Variants in TAT observed in about 807,000 individuals in gnomAD.
TAT encodes the protein tyrosine aminotransferase.
Under a neutral mutation model 53.6 loss-of-function variants are expected in TAT, and 35 were observed. The ratio of observed to expected loss-of-function variants is 0.65; its 90% CI spans 0.50 to 0.87. The LOEUF (loss-of-function observed/expected upper bound fraction) is 0.87, where lower values mean the gene tolerates loss of function less well. Ranked by LOEUF, TAT falls within the 40% of genes least tolerant of loss-of-function variation. The pLI is 0.00. For synonymous variants in TAT, 197 were observed against 206.5 expected (o/e 0.95, Z 0.39); for missense variants, 525 against 571.8 (o/e 0.92, Z 0.83).
intron 3 of TAT, chr16:71,575,183 T>C (rs539490482): frequency 6.6e-6 from 1 of 152,368 alleles, no homozygotes; most frequent in East Asian, 1.9e-4. Context: ...TAAAGTGTTT[T>C]TAAAATTTGA....
At position 71,567,978 on chromosome 16, in the gene TAT, G is replaced by C. The variant is rs2044175728; in HGVS notation, c.*166C>G. 2 of 735,970 alleles carry C rather than the reference G, an allele frequency of 2.7e-6. No homozygotes were observed. The highest frequency in any genetic ancestry group is 3.6e-4 in the Middle Eastern group (1 of 2,754). The allele number at this position is 735,970 out of a possible 1,614,324, so 45.6% of individuals were successfully genotyped here. ...TGCGATGTGAATGAGGAGGATCTGA[G>C]TGTGGGTGTGGTTGTACTTGGGGAA... On this transcript the variant is annotated 3_prime_UTR_variant, in exon 12 of 12. Coordinates refer to ENST00000355962, the MANE Select transcript of TAT (RefSeq NM_000353.3).
rs768575593 is a variant in TAT at position 71,576,392 on chromosome 16, C to T, written c.24G>A (p.Met8Ile). 2.5e-5 allele frequency: 40 copies of T among 1,614,020 alleles called. No individual in the cohort carries two copies. In the East Asian group the frequency reaches 7.4e-4, roughly 30 times the overall value. MDPYMIQ[M>I]SSKGNLPSIL... is the part of the protein sequence containing the mutation. ...TTGAGGGGAGGTTGCCTTTGCTGCT[C>T]ATCTGAATCATGTATGGGTCCATCA... is the stretch of plus-strand genomic sequence containing the variant. Residue 8 changes from methionine (M) to isoleucine (I), a missense_variant, in exon 2 of 12, where the codon ATG becomes ATA. By Grantham distance (10) the Met-to-Ile change is conservative. Transcript: ENST00000355962.
Position 71,567,918 on chromosome 16 carries a change from T to C in TAT, c.*226A>G. On this transcript the variant is annotated 3_prime_UTR_variant, in exon 12 of 12. Coordinates refer to ENST00000355962, the MANE Select transcript of TAT (RefSeq NM_000353.3). ...AGAGGGAGGCAGATTAATGAATTAG[T>C]GAGTCACTCTAGCAGCGCAGAGCAA... 3.5e-6 allele frequency: 2 copies of C among 566,242 alleles called. No individual in the cohort carries two copies. Among genetic ancestry groups the C allele is most frequent in the South Asian group, 2.1e-5 (1 of 47,884 alleles). 35.1% of individuals were successfully genotyped at this position (566,242 alleles called of 1,614,324 possible).
In TAT at chr16:71,570,443, ATC is replaced by A. The variant is rs559895761; in HGVS notation, c.913-48_913-47del. 50 of 1,614,152 alleles carry A rather than the reference ATC, an allele frequency of 3.1e-5. No individual in the cohort carries two copies. In the East Asian group the frequency reaches 1.0e-3, roughly 34 times the overall value. On this transcript the variant is annotated intron_variant, in intron 8 of 11. Transcript: ENST00000355962. Reference sequence around the variant, plus strand: ...ACATGTTGTTTAGCTTTTCTTAAGCATCTCTGTCTTAGAGTTTCTTGTTCTGA... The same window carrying A: ...ACATGTTGTTTAGCTTTTCTTAAGCATCTGTCTTAGAGTTTCTTGTTCTGA...
intron 7 of TAT, 111 bp downstream of exon 7, chr16:71,571,495 G>T: frequency 2.0e-6 from 2 of 998,292 alleles, no homozygotes; most frequent in Non-Finnish European, 3.2e-6. Flanking sequence ...GTGCAGGGAT[G>T]CTGATTTGCT....
In TAT at chr16:71,570,721, G is replaced by C. The variant is rs746209091; in HGVS notation, c.870C>G (p.Gly290=). The change falls in exon 8 of 12, where the codon GGC becomes GGG. Residue 290 remains glycine (G), a synonymous_variant. Transcript: ENST00000355962. ...KRWLVPGWRL[G]WILIHDRRDI... is the part of the protein sequence containing the mutation. ...CTCTTCGGTCATGAATGAGGATCCAGCCCAACCTCCAGCCAGGAACCAGCC... is the reference window on the plus strand; with the variant it reads ...CTCTTCGGTCATGAATGAGGATCCACCCCAACCTCCAGCCAGGAACCAGCC... 16 of 1,614,034 alleles carry C rather than the reference G, an allele frequency of 9.9e-6. No homozygotes were observed. The highest frequency in any genetic ancestry group is 1.3e-5 in the Non-Finnish European group (15 of 1,180,052).
Position 71,570,277 on chromosome 16 carries a change from A to T in TAT, c.1033T>A (p.Phe345Ile). The change falls in exon 9 of 12, where the codon TTC becomes ATC. Residue 345 changes from phenylalanine (F) to isoleucine (I), a missense_variant. By Grantham distance (21) the Phe-to-Ile change is conservative. Coordinates refer to ENST00000355962, the MANE Select transcript of TAT (RefSeq NM_000353.3). Reference sequence around the variant, plus strand: ...GCAGGAGCTGCCCTTACCTTGAGGAAGCTCAGAGTGTTGTGGTAAAACTCT... The same window carrying T: ...GCAGGAGCTGCCCTTACCTTGAGGATGCTCAGAGTGTTGTGGTAAAACTCT... ...PGEFYHNTLS[F>I]LKSNADLCYG... The T allele has an allele frequency of 1.2e-6, 2 of 1,614,182 alleles. No homozygotes were observed. Among genetic ancestry groups the T allele is most frequent in the Non-Finnish European group, 1.7e-6 (2 of 1,180,022 alleles).
chr16:71,568,616 T>C, intron 11 of TAT, 95 bp downstream of exon 11: 1 of 950,488 alleles, frequency 1.1e-6, no homozygotes, highest in South Asian at 1.4e-5. Flanking sequence ...AGACATTTTG[T>C]TGGAGGAGAA....
intron 7 of TAT, 92 bp from the exon 8 acceptor site, chr16:71,570,923 AG>A (rs2044198996): frequency 6.8e-7 from 1 of 1,481,388 alleles, no homozygotes; most frequent in Admixed American, 1.9e-5. Context: ...TTCTATCACT[AG>A]GGACAGGTCC....
chr16:71,572,553 C>G lies in TAT; in HGVS notation c.544G>C (p.Glu182Gln). 1 of 1,614,206 alleles carries G rather than the reference C, an allele frequency of 6.2e-7. No homozygotes were observed. Among genetic ancestry groups the G allele is most frequent in the Non-Finnish European group, 8.5e-7 (1 of 1,180,032 alleles). ...YKTLAESMGI[E>Q]VKLYNLLPEK... The stretch of plus-strand genomic sequence containing the variant: ...ACCAACAAATTGTAGAGTTTGACCT[C>G]AATTCCCATAGACTCAGCCAGAGTC... Residue 182 changes from glutamate to glutamine, a missense_variant, in exon 5 of 12, where the codon GAG becomes CAG. Coordinates refer to ENST00000355962, the MANE Select transcript of TAT (RefSeq NM_000353.3).
rs1375755604 is a variant in TAT, at chr16:71,566,290, G to A, written c.*1854C>T. ...GAAGGACATTAATTGGGTGTGACTG[G>A]CAGGGTTGAGACCTGAAGTTCCTCT... On this transcript the variant is annotated 3_prime_UTR_variant, in exon 12 of 12. Transcript: ENST00000355962. The A allele has an allele frequency of 6.6e-6, 1 of 152,110 alleles. No homozygotes were observed. The highest frequency in any genetic ancestry group is 1.5e-5 in the Non-Finnish European group (1 of 68,028). 9.4% of individuals were successfully genotyped at this position (152,110 alleles called of 1,614,324 possible). A position where few individuals can be genotyped will look rare whatever the true frequency, so the allele number is the denominator to read the frequency against.
Position 71,570,278 on chromosome 16 carries a change from G to A in TAT, c.1032C>T (p.Ser344=). The A allele has an allele frequency of 6.2e-7, 1 of 1,614,182 alleles. No individual in the cohort carries two copies. Among genetic ancestry groups the A allele is most frequent in the Non-Finnish European group, 8.5e-7 (1 of 1,180,038 alleles). The stretch of plus-strand genomic sequence containing the variant: ...CAGGAGCTGCCCTTACCTTGAGGAA[G>A]CTCAGAGTGTTGTGGTAAAACTCTC... The part of the protein sequence containing the change: ...TPGEFYHNTL[S]FLKSNADLCY... Residue 344 remains serine, a synonymous_variant, in exon 9 of 12, where the codon AGC becomes AGT. Coordinates refer to ENST00000355962, the MANE Select transcript of TAT (RefSeq NM_000353.3).
In TAT at chr16:71,572,642, A is replaced by G; in HGVS notation, c.455T>C (p.Leu152Ser). The G allele has an allele frequency of 6.2e-7, 1 of 1,614,226 alleles. No individual in the cohort carries two copies. The highest frequency in any genetic ancestry group is 1.1e-5 in the South Asian group (1 of 91,088). ...TTGCCCTGGGTTGGCCAACACAGCTAAACAAAGGTCAATAGCTTGGCTGCA... is the reference window on the plus strand; with the variant it reads ...TTGCCCTGGGTTGGCCAACACAGCTGAACAAAGGTCAATAGCTTGGCTGCA... ...SGCSQAIDLC[L>S]AVLANPGQNI... The change falls in exon 5 of 12, where the codon TTA becomes TCA. Residue 152 changes from leucine (L) to serine (S), a missense_variant. Transcript: ENST00000355962.
At chr16:71,575,395 A>G (rs541840221) in intron 3 of TAT, 1 of 157,426 alleles carries the variant, frequency 6.4e-6, no homozygotes, top group South Asian at 1.9e-4. Flanking sequence ...CTTCAGTTTG[A>G]CAGCCCATTT....
intron 4 of TAT, among the ~76,000 whole-genome samples, chr16:71,573,066 C>T (rs1479533564): frequency 6.6e-6 from 1 of 152,170 alleles, no homozygotes; most frequent in Non-Finnish European, 1.5e-5. Flanking sequence ...ACACAGTAGA[C>T]TATAGAGGGA....
intron 9 of TAT, 44 bp downstream of exon 9, chr16:71,570,225 C>CGA (rs1567590458): frequency 6.2e-7 from 1 of 1,613,862 alleles, no homozygotes; most frequent in East Asian, 2.2e-5. Context: ...GCGGCATTCT[C>CGA]TGACTCCCAA....
chr16:71,576,009 C>A lies in TAT; in HGVS notation c.253G>T (p.Gly85Ter). The change falls in exon 3 of 12, where the codon GGA becomes TGA. Residue 85 changes from glycine (G) to a stop codon, truncating the protein, a stop_gained. Coordinates refer to ENST00000355962, the MANE Select transcript of TAT (RefSeq NM_000353.3). LOFTEE classifies it high-confidence loss of function. ...ACTTCAGGGTCTGTAGGCAGGTTTC[C>A]AAACACAGTAGGGTCCCCTTTTTAT... ...SLSIGDPTVF[G>*]NLPTDPEVTQ... 6.2e-7 allele frequency: 1 copy of A among 1,614,128 alleles called. No individual in the cohort carries two copies. Among genetic ancestry groups the A allele is most frequent in the Non-Finnish European group, 8.5e-7 (1 of 1,180,018 alleles).
At chr16:71,573,915 A>G (rs1273062222) in intron 3 of TAT, among the ~76,000 whole-genome samples, 1 of 152,102 alleles carries the variant, frequency 6.6e-6, no homozygotes, top group Non-Finnish European at 1.5e-5. Flanking sequence ...TCCTGGGCTC[A>G]GGGGCTCCTC....
At position 71,570,324 on chromosome 16, in the gene TAT, C is replaced by T. The variant is rs920802627; in HGVS notation, c.986G>A (p.Ser329Asn). The stretch of plus-strand genomic sequence containing the variant: ...CTCTCCCGGGGTGCGACATAGGATG[C>T]TTTTCAGAGCTCCCTGGACAATGGT... ...PCTIVQGALK[S>N]ILCRTPGEFY... is the part of the protein sequence containing the mutation. The change falls in exon 9 of 12, where the codon AGC (serine) becomes AAC (asparagine). Residue 329 changes from serine (S) to asparagine (N), a missense_variant. Physicochemically the swap from Ser to Asn is conservative, Grantham distance 46. Transcript: ENST00000355962. 1.9e-6 allele frequency: 3 copies of T among 1,614,184 alleles called. No homozygotes were observed. Among genetic ancestry groups the T allele is most frequent in the East Asian group, 4.5e-5 (2 of 44,872 alleles).
Sources: gnomAD v4.1 joint callset for allele counts (sites outside exome capture counted in the v4.1 genomes callset) on GRCh38, gnomAD v4.1.1 for gene constraint, MANE v1.5 for transcripts, NCBI Gene and HGNC (gene_info 2026-07-23, HGNC 2026-07-21) for gene names.